Variants in FBN1 observed in about 807,000 individuals in gnomAD.
The protein encoded by FBN1 is fibrillin-1.
FBN1 carries 29 observed loss-of-function variants against 365.1 expected under a neutral mutation model. The observed-to-expected ratio is 0.08, with a 90% confidence interval of 0.06 to 0.11. The LOEUF is 0.11. Among genes scored for constraint, FBN1 ranks in the 10% least tolerant of loss-of-function variants. The pLI is 1.00. For synonymous variants in FBN1, 1,210 were observed against 1,270.5 expected (o/e 0.95, Z 1.01); for missense variants, 2,476 against 3,703.2 (o/e 0.67, Z 8.60).
chr15:48,482,583 G>A (rs1313855703), intron 31 of FBN1, among the ~76,000 whole-genome samples: 1 of 152,182 alleles, frequency 6.6e-6, no homozygotes, highest in African/African-American at 2.4e-5. Context: ...CACTGTCCTT[G>A]AGTTGAGGAG....
At chr15:48,414,622 T>C (rs561978887) in intron 64 of FBN1, among the ~76,000 whole-genome samples, 2 of 151,840 alleles carry the variant, frequency 1.3e-5, no homozygotes, top group South Asian at 4.2e-4. Context: ...CCCGGCCGGG[T>C]ACAGTGGCTC....
Position 48,437,001 on chromosome 15 carries a change from C to A in FBN1, c.6456G>T (p.Glu2152Asp). ...CINTDGSYRC[E>D]CPFGYILAGN... ...CTGCTAGAATATAACCAAAGGGACA[C>A]TCGCAGCGATAGGAACCATCTGTAT... is the stretch of plus-strand genomic sequence containing the variant. The change falls in exon 53 of 66, where the codon GAG becomes GAT. Residue 2152 changes from glutamate (E) to aspartate (D), a missense_variant. Coordinates refer to ENST00000316623, the MANE Select transcript of FBN1 (RefSeq NM_000138.5). 1 of 1,612,900 alleles carries A rather than the reference C, an allele frequency of 6.2e-7. No homozygotes were observed.
intron 4 of FBN1, among the ~76,000 whole-genome samples, chr15:48,602,932 T>C (rs930997589): frequency 2.0e-5 from 3 of 152,204 alleles, no homozygotes; most frequent in Non-Finnish European, 4.4e-5. Context: ...TCAAGCAGCA[T>C]AGGAACTCAG....
At chr15:48,559,959 G>A (rs1391333826) in intron 6 of FBN1, among the ~76,000 whole-genome samples, 3 of 152,096 alleles carry the variant, frequency 2.0e-5, no homozygotes, top group East Asian at 1.9e-4. Flanking sequence ...AAGGCAAAAC[G>A]AAGTAACAGA....
intron 32 of FBN1, among the ~76,000 whole-genome samples, chr15:48,480,526 C>T (rs1276693469): frequency 6.6e-6 from 1 of 152,148 alleles, no homozygotes; most frequent in Non-Finnish European, 1.5e-5. Context: ...ATTCCAGCTT[C>T]ATGCTTCTTC....
chr15:48,419,664 G>C (rs1489078782), intron 63 of FBN1, among the ~76,000 whole-genome samples: 1 of 152,194 alleles, frequency 6.6e-6, no homozygotes, highest in Non-Finnish European at 1.5e-5. Context: ...CTAGATGACA[G>C]AGATGATTTT....
intron 22 of FBN1, 92 bp from the exon 23 acceptor site, chr15:48,494,346 A>G: frequency 1.1e-6 from 1 of 940,304 alleles, no homozygotes; most frequent in African/African-American, 1.6e-5. Flanking sequence ...GAAACATGAA[A>G]GATGACCTGG....
intron 38 of FBN1, 125 bp downstream of exon 38, chr15:48,467,813 C>G: frequency 1.1e-6 from 1 of 913,426 alleles, no homozygotes; most frequent in South Asian, 1.3e-5. Flanking sequence ...ATAAGGTCCC[C>G]TCTACAGGGC....
intron 17 of FBN1, among the ~76,000 whole-genome samples, chr15:48,502,060 G>A (rs376514340): frequency 1.1e-4 from 16 of 151,970 alleles, no homozygotes; most frequent in East Asian, 7.7e-4. Flanking sequence ...ACAGAGTCTC[G>A]CTCTGTCACC....
chr15:48,511,609 C>T (rs74902518), intron 13 of FBN1, among the ~76,000 whole-genome samples: 1,972 of 152,312 alleles, frequency 0.013, 44 homozygotes, highest in African/African-American at 0.045. Context: ...ATCCTTCTAT[C>T]CCCTTCTACT....
At chr15:48,567,763 T>G (rs1383478630) in intron 6 of FBN1, among the ~76,000 whole-genome samples, 1 of 152,068 alleles carries the variant, frequency 6.6e-6, no homozygotes, top group East Asian at 1.9e-4. Flanking sequence ...ATCCAATGTC[T>G]ATTCATGATA....
intron 22 of FBN1, among the ~76,000 whole-genome samples, chr15:48,494,658 T>A (rs1410755573): frequency 6.6e-6 from 1 of 152,216 alleles, no homozygotes; most frequent in East Asian, 1.9e-4. Flanking sequence ...AGCATTCACA[T>A]AAATTTACAC....
At position 48,452,462 on chromosome 15, in the gene FBN1, T is replaced by C. The variant is rs974698082; in HGVS notation, c.5545+100A>G. On this transcript the variant is annotated intron_variant, in intron 45 of 65. Transcript: ENST00000316623. ...TCATCAATCTAAATCTTAACTCATA[T>C]ATTCTTCAGCTTAACTATCTGAAAA... 6 of 1,398,136 alleles carry C rather than the reference T, an allele frequency of 4.3e-6. No individual in the cohort carries two copies. The African/African-American group carries it at 8.5e-5, about 20-fold the overall frequency. The allele number at this position is 1,398,136 out of a possible 1,614,324, so 86.6% of individuals were successfully genotyped here. A position where few individuals can be genotyped will look rare whatever the true frequency, so the allele number is the denominator to read the frequency against.
intron 6 of FBN1, among the ~76,000 whole-genome samples, chr15:48,562,442 T>C (rs1158255287): frequency 6.6e-6 from 1 of 152,166 alleles, no homozygotes; most frequent in East Asian, 1.9e-4. Context: ...AAATAGGGAA[T>C]TGAGTCAATG....
At position 48,644,740 on chromosome 15, in the gene FBN1, G is replaced by T. The variant is rs1373206190; in HGVS notation, c.30C>A (p.Ala10=). The change falls in exon 2 of 66, where the codon GCC becomes GCA. Residue 10 remains alanine, a synonymous_variant. Coordinates refer to ENST00000316623, the MANE Select transcript of FBN1 (RefSeq NM_000138.5). ...ACGCTAAAAGCACGGTAAATCCCAG[G>T]GCGATCTCCAGCAGACGCCCTCGAC... The part of the protein sequence containing the change: MRRGRLLEI[A]LGFTVLLASY... 1 of 1,613,514 alleles carries T rather than the reference G, an allele frequency of 6.2e-7. No homozygotes were observed. Among genetic ancestry groups the T allele is most frequent in the South Asian group, 1.1e-5 (1 of 91,088 alleles).
intron 6 of FBN1, among the ~76,000 whole-genome samples, chr15:48,583,744 A>G (rs2044414704): frequency 6.6e-6 from 1 of 152,186 alleles, no homozygotes; most frequent in Non-Finnish European, 1.5e-5. Flanking sequence ...CACAGTCACC[A>G]TTACATTTTA....
At chr15:48,570,419 T>C (rs2044297507) in intron 6 of FBN1, among the ~76,000 whole-genome samples, 1 of 151,342 alleles carries the variant, frequency 6.6e-6, no homozygotes, top group African/African-American at 2.4e-5. Flanking sequence ...TAAATACACA[T>C]GCAAAAAATT....
chr15:48,624,124 A>T (rs566485602), intron 2 of FBN1, among the ~76,000 whole-genome samples: 15 of 151,686 alleles, frequency 9.9e-5, no homozygotes, highest in African/African-American at 1.9e-4. Context: ...GTATATATTT[A>T]AAAAAAAAGA....
chr15:48,613,020 C>T lies in FBN1; in HGVS notation c.237G>A (p.Gln79=). Residue 79 remains glutamine, a synonymous_variant, in exon 3 of 66, where the codon CAG becomes CAA. Coordinates refer to ENST00000316623, the MANE Select transcript of FBN1 (RefSeq NM_000138.5). Reference sequence around the variant, plus strand: ...TTTCTATTTACTTACGGACAATACACTGATTTCCGCCAGGTAAGGTTTTCC... The same window carrying T: ...TTTCTATTTACTTACGGACAATACATTGATTTCCGCCAGGTAAGGTTTTCC... The part of the protein sequence containing the change: ...PGWKTLPGGN[Q]CIVPICRHSC... 1.2e-6 allele frequency: 2 copies of T among 1,612,554 alleles called. No individual in the cohort carries two copies. Among genetic ancestry groups the T allele is most frequent in the East Asian group, 4.5e-5 (2 of 44,866 alleles).
Sources: allele counts gnomAD v4.1 joint callset (sites outside exome capture counted in the v4.1 genomes callset), GRCh38; gene constraint gnomAD v4.1.1; transcripts MANE v1.5; gene names NCBI Gene and HGNC (gene_info 2026-07-23, HGNC 2026-07-21).